The following SELENOT variants were observed in gnomAD, a reference collection of about 807,000 sequenced individuals.
SELENOT encodes the protein selenoprotein T.
Under a neutral mutation model 24.3 loss-of-function variants are expected in SELENOT, and 9 were observed. That is an observed-to-expected ratio of 0.37 (90% CI 0.22 to 0.65). SELENOT has a LOEUF of 0.65. Among genes scored for constraint, SELENOT ranks in the 30% least tolerant of loss-of-function variants. SELENOT has a pLI of 0.60. For synonymous variants in SELENOT, 81 were observed against 86.0 expected (o/e 0.94, Z 0.32); for missense variants, 166 against 247.6 (o/e 0.67, Z 2.21).
At chr3:150,617,397 T>C (rs1366485736) in intron 1 of SELENOT, among the ~76,000 whole-genome samples, 2 of 152,164 alleles carry the variant, frequency 1.3e-5, no homozygotes, top group Non-Finnish European at 2.9e-5. Context: ...GGCCAGGAGT[T>C]TGAAACCACC....
intron 1 of SELENOT, among the ~76,000 whole-genome samples, chr3:150,620,230 C>A (rs1373172134): frequency 6.6e-6 from 1 of 152,152 alleles, no homozygotes; most frequent in East Asian, 1.9e-4. Context: ...TAAGGGACTT[C>A]TTGGGGCTCA....
chr3:150,610,091 A>G (rs1285944183), intron 1 of SELENOT, among the ~76,000 whole-genome samples: 1 of 152,226 alleles, frequency 6.6e-6, no homozygotes, highest in East Asian at 1.9e-4. Context: ...AAAGATTCCT[A>G]GTAGTTATGT....
intron 4 of SELENOT, 118 bp from the exon 5 acceptor site, chr3:150,626,892 C>CT (rs1469778314): frequency 3.0e-6 from 3 of 994,154 alleles, no homozygotes; most frequent in East Asian, 5.3e-5. Flanking sequence ...AAGCAGTGTA[C>CT]TTTTTTGCCT....
At chr3:150,609,351 T>G (rs1159675204) in intron 1 of SELENOT, among the ~76,000 whole-genome samples, 1 of 152,120 alleles carries the variant, frequency 6.6e-6, no homozygotes, top group African/African-American at 2.4e-5. Context: ...CTGTTGATGT[T>G]TTCTTTTTCT....
intron 1 of SELENOT, chr3:150,618,951 A>G (rs2108011600): frequency 6.6e-6 from 1 of 152,306 alleles, no homozygotes; most frequent in East Asian, 1.9e-4. Context: ...TTCTTTTAGA[A>G]AAGTACTGTT....
At chr3:150,611,778 C>T (rs1726098728) in intron 1 of SELENOT, 3 of 1,155,450 alleles carry the variant, frequency 2.6e-6, no homozygotes, top group Non-Finnish European at 3.7e-6. Context: ...ACCGCCCCTG[C>T]GCCCGGCCCC....
intron 1 of SELENOT, among the ~76,000 whole-genome samples, chr3:150,614,871 T>A (rs902921000): frequency 6.6e-6 from 1 of 151,568 alleles, no homozygotes; most frequent in Non-Finnish European, 1.5e-5. Flanking sequence ...TATTATTTTT[T>A]ATTATTATTA....
intron 1 of SELENOT, 30 bp from the exon 2 acceptor site, chr3:150,622,355 G>A: frequency 9.0e-7 from 1 of 1,107,632 alleles, no homozygotes; most frequent in Non-Finnish European, 1.2e-6. Flanking sequence ...TATGCTAAAT[G>A]ACTTAATGGA....
chr3:150,627,422 C>T lies in SELENOT; in HGVS notation c.*30-237C>T, dbSNP rs1259746765. On this transcript the variant is annotated intron_variant, in intron 5 of 5. Transcript: ENST00000471696. ...TTCTTTACTCTAAATTCCTAATGGC[C>T]AGAGTTGATATATTATGCTAGAGGT... Among the ~76,000 whole-genome samples, 3 of 152,234 alleles carry T rather than the reference C, an allele frequency of 2.0e-5. No individual in the cohort carries two copies. In the East Asian group the frequency reaches 5.8e-4, roughly 29 times the overall value.
chr3:150,618,739 G>A (rs1726272265), intron 1 of SELENOT: 1 of 153,342 alleles, frequency 6.5e-6, no homozygotes, highest in South Asian at 2.1e-4. Context: ...GCCTAGGCTG[G>A]TCTTGAACTC....
In SELENOT at chr3:150,629,614, TTC is replaced by T. The variant is rs1726513955; in HGVS notation, c.*1989_*1990del. 2 of 152,636 alleles carry T rather than the reference TTC, an allele frequency of 1.3e-5. No individual in the cohort carries two copies. The highest frequency in any genetic ancestry group is 4.8e-5 in the African/African-American group (2 of 41,448). The allele number at this position is 152,636 out of a possible 1,614,324, so 9.5% of individuals were successfully genotyped here. On this transcript the variant is annotated 3_prime_UTR_variant, in exon 6 of 6. Coordinates refer to ENST00000471696, the MANE Select transcript of SELENOT (RefSeq NM_016275.5). ...AAGAACCTAGGATTCAATTCCAACT[TTC>T]TCTGTTTGCCTTGGGTTGAATAACT...
chr3:150,622,951 C>T (rs1214658902), intron 2 of SELENOT, 92 bp from the exon 3 acceptor site: 5 of 1,169,366 alleles, frequency 4.3e-6, no homozygotes, highest in African/African-American at 3.2e-5. Context: ...GATTTGGTGT[C>T]TAGAAAATCT....
At chr3:150,623,229 A>G in intron 3 of SELENOT, 60 bp downstream of exon 3, 1 of 1,379,760 alleles carries the variant, frequency 7.2e-7, no homozygotes, top group Non-Finnish European at 9.6e-7. Context: ...AAATATTCTA[A>G]TAGATTTTCT....
Position 150,630,122 on chromosome 3 carries a change from G to C in SELENOT, c.*2493G>C, listed in dbSNP as rs1287668131. 6.6e-6 allele frequency: 1 copy of C among 152,136 alleles called. No homozygotes were observed. The highest frequency in any genetic ancestry group is 1.5e-5 in the Non-Finnish European group (1 of 68,016). 9.4% of individuals were successfully genotyped at this position (152,136 alleles called of 1,614,324 possible). ...TTCTAGAATATAAGTGATATTATTT[G>C]CTTATGACACTAACACTATTAATGA... On this transcript the variant is annotated 3_prime_UTR_variant, in exon 6 of 6. Transcript: ENST00000471696.
intron 1 of SELENOT, among the ~76,000 whole-genome samples, chr3:150,616,971 A>C (rs1474320163): frequency 6.6e-6 from 1 of 152,042 alleles, no homozygotes; most frequent in Non-Finnish European, 1.5e-5. Flanking sequence ...TACACAGGTG[A>C]ATACTATGAT....
chr3:150,611,784 G>A (rs934879182), intron 1 of SELENOT: 182 of 1,096,220 alleles, frequency 1.7e-4, no homozygotes, highest in African/African-American at 3.8e-4. Flanking sequence ...CCTGCGCCCG[G>A]CCCCTCAGCC....
chr3:150,624,707 T>C (rs572138011), intron 3 of SELENOT, 105 bp from the exon 4 acceptor site: 16 of 625,698 alleles, frequency 2.6e-5, no homozygotes, highest in African/African-American at 1.5e-4. Context: ...TATCTGAACA[T>C]ATGGAATAGC....
intron 1 of SELENOT, among the ~76,000 whole-genome samples, chr3:150,603,861 C>T (rs906405956): frequency 5.3e-5 from 8 of 152,282 alleles, no homozygotes; most frequent in African/African-American, 1.7e-4. Context: ...GATGAGTAGG[C>T]GCCGCGTCGG....
chr3:150,607,444 T>C (rs983051314), intron 1 of SELENOT, among the ~76,000 whole-genome samples: 2 of 152,224 alleles, frequency 1.3e-5, no homozygotes, highest in African/African-American at 4.8e-5. Context: ...GATATTTGCA[T>C]ATTCAACAGA....
Sources: gnomAD v4.1 joint callset for allele counts (sites outside exome capture counted in the v4.1 genomes callset) on GRCh38, gnomAD v4.1.1 for gene constraint, MANE v1.5 for transcripts, NCBI Gene and HGNC (gene_info 2026-07-23, HGNC 2026-07-21) for gene names.